CHSY3: variants seen among roughly 807,000 people sequenced by gnomAD.
CHSY3 encodes the protein N-acetylgalactosaminyl-proteoglycan 3-beta-glucuronosyltransferase 3.
Under a neutral mutation model 67.2 loss-of-function variants are expected in CHSY3, and 35 were observed. The ratio of observed to expected loss-of-function variants is 0.52; its 90% CI spans 0.40 to 0.69. CHSY3 has a LOEUF of 0.69. Among genes scored for constraint, CHSY3 ranks in the 30% least tolerant of loss-of-function variants. The pLI is 0.00. For synonymous variants in CHSY3, 474 were observed against 434.7 expected, an observed-to-expected ratio of 1.09 and a Z score of -1.12; for missense variants, 1,069 against 1,138.5, an observed-to-expected ratio of 0.94 and a Z score of 0.88.
chr5:130,131,321 T>C (rs540386337), intron 2 of CHSY3, among the ~76,000 whole-genome samples: 1 of 152,242 alleles, frequency 6.6e-6, no homozygotes, highest in South Asian at 2.1e-4. Context: ...TGCCTCTTAC[T>C]TGGGCCTTCT....
intron 2 of CHSY3, among the ~76,000 whole-genome samples, chr5:129,969,896 A>G (rs1389848018): frequency 3.3e-5 from 5 of 151,946 alleles, no homozygotes; most frequent in Non-Finnish European, 5.9e-5. Flanking sequence ...CAACCAAAAT[A>G]CTAGTGAAGC....
In CHSY3 at chr5:129,904,838, G is replaced by C; in HGVS notation, c.9G>C (p.Val3=). The C allele has an allele frequency of 6.9e-7, 1 of 1,439,994 alleles. No homozygotes were observed. The highest frequency in any genetic ancestry group is 2.5e-4 in the Middle Eastern group (1 of 4,014). 89.2% of individuals were successfully genotyped at this position (1,439,994 alleles called of 1,614,324 possible). A position where few individuals can be genotyped will look rare whatever the true frequency, so the allele number is the denominator to read the frequency against. MA[V]RSRRPWMSVA... ...CGCCCGGGACAGCCGCGATGGCTGTGCGCTCTCGCCGCCCGTGGATGAGCG... is the reference window on the plus strand; with the variant it reads ...CGCCCGGGACAGCCGCGATGGCTGTCCGCTCTCGCCGCCCGTGGATGAGCG... The change falls in exon 1 of 3, where the codon GTG becomes GTC. Residue 3 remains valine, a synonymous_variant. Coordinates refer to ENST00000305031, the MANE Select transcript of CHSY3 (RefSeq NM_175856.5).
At position 129,995,094 on chromosome 5, in the gene CHSY3, A is replaced by T. The variant is rs114971407; in HGVS notation, c.1086+86734A>T. Reference sequence around the variant, plus strand: ...GCAGTGTATGAGAGTTAGATGCTCAATCCTTGCCAAAACTTTTATATTAAA... The same window carrying T: ...GCAGTGTATGAGAGTTAGATGCTCATTCCTTGCCAAAACTTTTATATTAAA... On this transcript the variant is annotated intron_variant, in intron 2 of 2. Transcript: ENST00000305031. 9.5e-3 allele frequency among the ~76,000 whole-genome samples: 1,444 copies of T among 152,258 alleles called. 21 individuals carry two copies. The highest frequency in any genetic ancestry group is 0.033 in the African/African-American group (1,353 of 41,550).
chr5:129,905,010 C>T lies in CHSY3; in HGVS notation c.181C>T (p.Gln61Ter). 6.4e-7 allele frequency: 1 copy of T among 1,564,848 alleles called. No homozygotes were observed. Among genetic ancestry groups the T allele is most frequent in the Non-Finnish European group, 8.6e-7 (1 of 1,161,836 alleles). Residue 61 changes from glutamine to a stop codon, truncating the protein, a stop_gained, in exon 1 of 3, where the codon CAG becomes TAG. Coordinates refer to ENST00000305031, the MANE Select transcript of CHSY3 (RefSeq NM_175856.5). LOFTEE classifies it high-confidence loss of function. ...SAAGPRAGAQ[Q>*]PLPQPQSRPR... is the part of the protein sequence containing the mutation. ...TGCTGGCCCCCGCGCCGGCGCTCAG[C>T]AGCCGCTCCCCCAGCCCCAGTCCCG... is the stretch of plus-strand genomic sequence containing the variant.
intron 2 of CHSY3, among the ~76,000 whole-genome samples, chr5:129,954,462 G>GT (rs768087838): frequency 0.14 from 20,694 of 143,712 alleles, 1,659 homozygotes; most frequent in Middle Eastern, 0.27. Flanking sequence ...TGGCTATACG[G>GT]TTTTTTTTTT....
chr5:129,930,725 A>G (rs1379390436), intron 2 of CHSY3, among the ~76,000 whole-genome samples: 1 of 152,054 alleles, frequency 6.6e-6, no homozygotes, highest in African/African-American at 2.4e-5. Flanking sequence ...GTGACTACCT[A>G]AGAGTCCCAG....
At chr5:130,077,502 A>G (rs1237587881) in intron 2 of CHSY3, among the ~76,000 whole-genome samples, 1 of 152,086 alleles carries the variant, frequency 6.6e-6, no homozygotes, top group Non-Finnish European at 1.5e-5. Flanking sequence ...GAGACGTTGG[A>G]CCGCTAATAT....
intron 2 of CHSY3, among the ~76,000 whole-genome samples, chr5:129,923,029 A>T (rs1283914052): frequency 1.3e-5 from 2 of 152,148 alleles, no homozygotes; most frequent in African/African-American, 4.8e-5. Context: ...GCATAGAAGG[A>T]TGTATTGGAG....
At chr5:130,045,728 G>T (rs1406463638) in intron 2 of CHSY3, among the ~76,000 whole-genome samples, 1 of 152,056 alleles carries the variant, frequency 6.6e-6, no homozygotes, top group African/African-American at 2.4e-5. Flanking sequence ...CTTCTAATTT[G>T]CCTCACTCTT....
chr5:129,922,010 C>A (rs2149583724), intron 2 of CHSY3, among the ~76,000 whole-genome samples: 1 of 152,290 alleles, frequency 6.6e-6, no homozygotes, highest in East Asian at 1.9e-4. Flanking sequence ...CACCCCCAGC[C>A]TCTGGCAACC....
intron 2 of CHSY3, among the ~76,000 whole-genome samples, chr5:130,164,558 TAA>T (rs1769672703): frequency 6.6e-6 from 1 of 152,150 alleles, no homozygotes; most frequent in South Asian, 2.1e-4. Context: ...AGTAGGAACA[TAA>T]AGACCAGATT....
chr5:130,025,511 G>A (rs1764515692), intron 2 of CHSY3, among the ~76,000 whole-genome samples: 1 of 152,138 alleles, frequency 6.6e-6, no homozygotes, highest in African/African-American at 2.4e-5. Flanking sequence ...AAGAGAAACA[G>A]TGATATTGTC....
At chr5:130,143,784 G>GTATATATATATA (rs71000950) in intron 2 of CHSY3, among the ~76,000 whole-genome samples, 5 of 73,844 alleles carry the variant, frequency 6.8e-5, no homozygotes, top group Non-Finnish European at 2.3e-5. Flanking sequence ...ATATATATGT[G>GTATATATATATA]TATATATATA....
rs577346874 is a variant in CHSY3 at position 130,128,917 on chromosome 5, G to A, written c.1087-55312G>A. ...GTAAGATCATGGGCATGTGTATGTT[G>A]ACAAAAATGTGAGGTTTTTTTTTTT... On this transcript the variant is annotated intron_variant, in intron 2 of 2. Transcript: ENST00000305031. Among the ~76,000 whole-genome samples, 7 of 150,714 alleles carry A rather than the reference G, an allele frequency of 4.6e-5. No individual in the cohort carries two copies. In the South Asian group the frequency reaches 1.5e-3, roughly 32 times the overall value.
Position 130,143,553 on chromosome 5 carries a change from T to C in CHSY3, c.1087-40676T>C, listed in dbSNP as rs1268198383. 2.0e-5 allele frequency among the ~76,000 whole-genome samples: 3 copies of C among 151,590 alleles called. No individual in the cohort carries two copies. The East Asian group carries it at 5.8e-4, about 29-fold the overall frequency. Reference sequence around the variant, plus strand: ...ATTCTCATGATATATTCATTCATTCTACTGGTTGATATTTGGGCCATTTCT... The same window carrying C: ...ATTCTCATGATATATTCATTCATTCCACTGGTTGATATTTGGGCCATTTCT... On this transcript the variant is annotated intron_variant, in intron 2 of 2. Transcript: ENST00000305031.
intron 2 of CHSY3, among the ~76,000 whole-genome samples, chr5:130,028,877 CTCT>C (rs1436907936): frequency 6.6e-6 from 1 of 151,864 alleles, no homozygotes; most frequent in East Asian, 1.9e-4. Context: ...GTCTCTCTTC[CTCT>C]TTTCTCTCTG....
chr5:130,014,010 C>A (rs999751823), intron 2 of CHSY3, among the ~76,000 whole-genome samples: 1 of 152,190 alleles, frequency 6.6e-6, no homozygotes, highest in Non-Finnish European at 1.5e-5. Flanking sequence ...TTCCACATAT[C>A]CCTAAAGCAC....
intron 2 of CHSY3, among the ~76,000 whole-genome samples, chr5:130,007,936 C>T (rs1374031671): frequency 6.6e-6 from 1 of 152,178 alleles, no homozygotes; most frequent in Non-Finnish European, 1.5e-5. Flanking sequence ...ATCTTAAAAG[C>T]CACTACCATA....
At chr5:130,164,645 G>C (rs1197211516) in intron 2 of CHSY3, among the ~76,000 whole-genome samples, 2 of 152,052 alleles carry the variant, frequency 1.3e-5, no homozygotes, top group Non-Finnish European at 2.9e-5. Flanking sequence ...GATGTGCATT[G>C]AGTCTCTCTT....
Sources: gnomAD v4.1 joint callset for allele counts (sites outside exome capture counted in the v4.1 genomes callset) on GRCh38, gnomAD v4.1.1 for gene constraint, MANE v1.5 for transcripts, NCBI Gene and HGNC (gene_info 2026-07-23, HGNC 2026-07-21) for gene names.